Variants in BBS1 observed in about 807,000 individuals in gnomAD.
The protein encoded by BBS1 is Bardet-Biedl syndrome 1.
In BBS1, 60 loss-of-function variants were observed where a neutral mutation model predicts 73.9. That is an observed-to-expected ratio of 0.81 (90% confidence interval 0.66 to 1.01). BBS1 has a LOEUF of 1.01. Ranked by LOEUF, BBS1 falls within the 50% of genes least tolerant of loss-of-function variation. The pLI, the probability that BBS1 is intolerant of heterozygous loss-of-function variation, is 0.00. For missense variants in BBS1, 718 were observed against 770.3 expected, an observed-to-expected ratio of 0.93 and a Z score of 0.80; for synonymous variants, 283 against 317.4, an observed-to-expected ratio of 0.89 and a Z score of 1.15.
chr11:66,529,365 T>G, intron 13 of BBS1: 2 of 1,496,408 alleles, frequency 1.3e-6, no homozygotes, highest in Non-Finnish European at 1.8e-6. Flanking sequence ...GACCTCCCTG[T>G]GGAGATGAGC....
rs373565365 is a variant in BBS1 at position 66,524,420 on chromosome 11, T to G, written c.1110+538T>G. 2.0e-3 allele frequency: 380 copies of G among 192,562 alleles called. 9 individuals carry two copies. In the South Asian group the frequency reaches 0.034, roughly 17 times the overall value. 11.9% of individuals were successfully genotyped at this position (192,562 alleles called of 1,614,324 possible). On this transcript the variant is annotated intron_variant, in intron 11 of 16. Coordinates refer to ENST00000318312, the MANE Select transcript of BBS1 (RefSeq NM_024649.5). ...CAGCCAGCCAGAGACATAGCAAATT[T>G]AAAAGGGCCGACTGAAGCAGAGCAA...
chr11:66,531,147 A>G, intron 15 of BBS1, 119 bp downstream of exon 15: 5 of 1,401,700 alleles, frequency 3.6e-6, no homozygotes, highest in Non-Finnish European at 4.9e-6. Context: ...CCAGGTGGCC[A>G]GCAGACCTAC....
At chr11:66,512,044 A>ATATATATGTG (rs1256068994) in intron 3 of BBS1, among the ~76,000 whole-genome samples, 1 of 145,212 alleles carries the variant, frequency 6.9e-6, no homozygotes, top group Non-Finnish European at 1.5e-5. Context: ...ATATATATGT[A>ATATATATGTG]TATATATGTG....
At position 66,515,601 on chromosome 11, in the gene BBS1, TC is replaced by T; in HGVS notation, c.479+19del. 2 of 1,613,996 alleles carry T rather than the reference TC, an allele frequency of 1.2e-6. No homozygotes were observed. Among genetic ancestry groups the T allele is most frequent in the Non-Finnish European group, 1.7e-6 (2 of 1,179,990 alleles). ...GAGAGCATCCGGTGAGAGGCTGCCT[TC>T]CCCTTCATACCCCCCTCACTCCTTC... On this transcript the variant is annotated intron_variant, in intron 5 of 16. Transcript: ENST00000318312.
intron 12 of BBS1, 152 bp from the exon 13 acceptor site, chr11:66,526,497 G>A (rs1856499477): frequency 1.1e-6 from 1 of 939,610 alleles, no homozygotes; most frequent in Non-Finnish European, 1.7e-6. Flanking sequence ...AGACTATTAA[G>A]ATGCACTTTG....
Position 66,531,942 on chromosome 11 carries a change from C to T in BBS1, c.1696-9C>T, listed in dbSNP as rs1363840770. On this transcript the variant is annotated splice_polypyrimidine_tract_variant and intron_variant, in intron 16 of 16. Coordinates refer to ENST00000318312, the MANE Select transcript of BBS1 (RefSeq NM_024649.5). The stretch of plus-strand genomic sequence containing the variant: ...TATGCCCCCTGCTGCCATGGCCACT[C>T]CTCCATAGGTGCTGGTGCTTCGAGA... 9.5e-6 allele frequency: 15 copies of T among 1,581,246 alleles called. No homozygotes were observed. The highest frequency in any genetic ancestry group is 1.8e-5 in the Admixed American group (1 of 54,160).
chr11:66,524,273 C>A, intron 11 of BBS1: 1 of 315,906 alleles, frequency 3.2e-6, no homozygotes, highest in South Asian at 2.7e-5. Context: ...GAGCGAGACT[C>A]CATCTTAAAA....
chr11:66,514,513 T>G lies in BBS1; in HGVS notation c.267T>G (p.Ala89=). The G allele has an allele frequency of 1.9e-6, 3 of 1,614,196 alleles. No homozygotes were observed. Among genetic ancestry groups the G allele is most frequent in the Non-Finnish European group, 2.5e-6 (3 of 1,180,036 alleles). ...ESPLPALPAA[A]ATFLMEQHEP... ...CGCTACCTGCTCTGCCAGCTGCTGC[T>G]GCCACCTTCCTCATGGAGCAACATG... The change falls in exon 4 of 17, where the codon GCT becomes GCG. Residue 89 remains alanine, a synonymous_variant. Coordinates refer to ENST00000318312, the MANE Select transcript of BBS1 (RefSeq NM_024649.5).
At chr11:66,517,342 G>A (rs1300818950) in intron 7 of BBS1, among the ~76,000 whole-genome samples, 7 of 151,968 alleles carry the variant, frequency 4.6e-5, no homozygotes, top group Non-Finnish European at 7.4e-5. Context: ...CTGTAGAAAC[G>A]ATAGGCATCA....
At chr11:66,527,361 GC>G (rs1565288340) in intron 13 of BBS1, among the ~76,000 whole-genome samples, 1 of 151,958 alleles carries the variant, frequency 6.6e-6, no homozygotes, top group African/African-American at 2.4e-5. Context: ...TGTGCCAGGT[GC>G]CTTTAATTAG....
rs560882738 is a variant in BBS1 at position 66,519,652 on chromosome 11, C to G, written c.627C>G (p.Asn209Lys). 1 of 1,613,920 alleles carries G rather than the reference C, an allele frequency of 6.2e-7. No individual in the cohort carries two copies. The highest frequency in any genetic ancestry group is 1.3e-5 in the African/African-American group (1 of 75,002). ...CCACCATGACCACCTTGAAGAAGAA[C>G]CTGGCTGACGAGGATGCTGTGTCTT... The part of the protein sequence containing the change: ...VITTMTTLKK[N>K]LADEDAVSCL... The change falls in exon 8 of 17, where the codon AAC (asparagine) becomes AAG (lysine). Residue 209 changes from asparagine to lysine, a missense_variant. Coordinates refer to ENST00000318312, the MANE Select transcript of BBS1 (RefSeq NM_024649.5).
At chr11:66,517,155 C>T (rs1040289731) in intron 7 of BBS1, among the ~76,000 whole-genome samples, 1 of 150,774 alleles carries the variant, frequency 6.6e-6, no homozygotes, top group Non-Finnish European at 1.5e-5. Flanking sequence ...GCCGAGATTG[C>T]GCCACTGCAC....
At chr11:66,526,264 G>A (rs1856486139) in intron 12 of BBS1, 72 bp downstream of exon 12, 2 of 1,461,136 alleles carry the variant, frequency 1.4e-6, no homozygotes. Context: ...TGGGGAAAGA[G>A]GAGGAGGTGG....
At chr11:66,515,811 G>A in intron 6 of BBS1, 50 bp from the exon 7 acceptor site, 1 of 1,614,034 alleles carries the variant, frequency 6.2e-7, no homozygotes, top group South Asian at 1.1e-5. Flanking sequence ...GAATGATGGA[G>A]GAGGGCAGCG....
rs1363017662 is a variant in BBS1 at position 66,529,724 on chromosome 11, C to A, written c.1340-95C>A. ...CTCCTGCAGCACCCTCCTCTTGCAC[C>A]CTCCCCACACCAACCTGAGCAGGAG... On this transcript the variant is annotated intron_variant, in intron 13 of 16. Transcript: ENST00000318312. The A allele has an allele frequency of 4.0e-6, 6 of 1,495,774 alleles. No homozygotes were observed. The African/African-American group carries it at 6.9e-5, about 17-fold the overall frequency. 92.7% of individuals were successfully genotyped at this position (1,495,774 alleles called of 1,614,324 possible).
chr11:66,520,974 C>T (rs1856190710), intron 8 of BBS1: 1 of 426,824 alleles, frequency 2.3e-6, no homozygotes, highest in Non-Finnish European at 4.4e-6. Flanking sequence ...CCGCCTCAGC[C>T]TCTCAAAGTG....
intron 15 of BBS1, 124 bp downstream of exon 15, chr11:66,531,152 A>G (rs2305533): frequency 1.5e-6 from 2 of 1,353,904 alleles, no homozygotes; most frequent in African/African-American, 1.5e-5. Context: ...TGGCCAGCAG[A>G]CCTACTCTCC....
chr11:66,522,291 A>G (rs758453807), intron 9 of BBS1, among the ~76,000 whole-genome samples: 5 of 151,942 alleles, frequency 3.3e-5, no homozygotes, highest in Non-Finnish European at 7.4e-5. Flanking sequence ...AGGGTACATG[A>G]CATGACACTT....
At chr11:66,519,944 T>A in intron 8 of BBS1, 196 bp downstream of exon 8, 1 of 580,254 alleles carries the variant, frequency 1.7e-6, no homozygotes, top group South Asian at 1.9e-5. Flanking sequence ...TAGGTCTCTC[T>A]AGACATTTTC....
Sources: allele counts gnomAD v4.1 joint callset (sites outside exome capture counted in the v4.1 genomes callset), GRCh38; gene constraint gnomAD v4.1.1; transcripts MANE v1.5; gene names NCBI Gene and HGNC (gene_info 2026-07-23, HGNC 2026-07-21).